The following BLZF1 variants were observed in gnomAD, a reference collection of about 807,000 sequenced individuals.
The protein encoded by BLZF1 is basic leucine zipper nuclear factor 1.
BLZF1 carries 39 observed loss-of-function variants against 43.8 expected under a neutral mutation model. That is an observed-to-expected ratio of 0.89 (90% confidence interval 0.69 to 1.16). BLZF1 has a LOEUF of 1.16. Among genes scored for constraint, BLZF1 ranks in the 50% most tolerant of loss-of-function variants. The pLI, the probability that BLZF1 is intolerant of heterozygous loss-of-function variation, is 0.00. For missense variants in BLZF1, 449 were observed against 469.8 expected, an observed-to-expected ratio of 0.96 and a Z score of 0.41; for synonymous variants, 136 against 159.4, an observed-to-expected ratio of 0.85 and a Z score of 1.11.
rs1277296937 is a variant in BLZF1, at chr1:169,378,548, A to G, written c.668+19A>G. On this transcript the variant is annotated intron_variant, in intron 4 of 6. Coordinates refer to ENST00000367808, the MANE Select transcript of BLZF1 (RefSeq NM_001320973.2). ...CAAGCAGGTATTTTCTACAGCAAAT[A>G]GTATTTCACTTCCTAGTTTTTGCTC... is the stretch of plus-strand genomic sequence containing the variant. The G allele has an allele frequency of 1.9e-6, 3 of 1,606,534 alleles. No individual in the cohort carries two copies. Among genetic ancestry groups the G allele is most frequent in the Non-Finnish European group, 8.5e-7 (1 of 1,174,248 alleles).
At chr1:169,382,884 C>T (rs1401760087) in intron 6 of BLZF1, among the ~76,000 whole-genome samples, 1 of 152,182 alleles carries the variant, frequency 6.6e-6, no homozygotes, top group African/African-American at 2.4e-5. Context: ...TCTGTGATCT[C>T]AACTTTTTTT....
intron 6 of BLZF1, among the ~76,000 whole-genome samples, chr1:169,383,278 CT>C (rs1222096557): frequency 3.3e-5 from 5 of 152,274 alleles, no homozygotes; most frequent in Non-Finnish European, 7.4e-5. Flanking sequence ...ATACATTTCT[CT>C]CAGAGGAAAA....
At chr1:169,386,447 AG>A (rs1239588932) in intron 6 of BLZF1, among the ~76,000 whole-genome samples, 2 of 152,108 alleles carry the variant, frequency 1.3e-5, no homozygotes, top group Admixed American at 1.3e-4. Flanking sequence ...TGGGGGGCCG[AG>A]GCAGGCAGAT....
rs762903045 is a variant in BLZF1 at position 169,376,622 on chromosome 1, C to T, written c.111C>T (p.Ser37=). The change falls in exon 3 of 7, where the codon TCC becomes TCT. Residue 37 remains serine, a synonymous_variant. Coordinates refer to ENST00000367808, the MANE Select transcript of BLZF1 (RefSeq NM_001320973.2). ...CACCTAAATCTGTTGAAGTTACCTC[C>T]GGAGTCCAATCTAGAAAGCATCATA... The part of the protein sequence containing the change: ...EEPPKSVEVT[S]GVQSRKHHSL... The T allele has an allele frequency of 1.9e-5, 30 of 1,612,958 alleles. No individual in the cohort carries two copies. The highest frequency in any genetic ancestry group is 1.1e-4 in the South Asian group (10 of 91,028).
At chr1:169,374,667 A>C (rs1654241389) in intron 2 of BLZF1, among the ~76,000 whole-genome samples, 1 of 152,126 alleles carries the variant, frequency 6.6e-6, no homozygotes, top group African/African-American at 2.4e-5. Context: ...GAAAAAAGTA[A>C]ATCTGTTACT....
intron 6 of BLZF1, among the ~76,000 whole-genome samples, chr1:169,385,577 G>A (rs1654642689): frequency 6.6e-6 from 1 of 152,182 alleles, no homozygotes; most frequent in Non-Finnish European, 1.5e-5. Context: ...CATCTTTATA[G>A]TATTTGAGAA....
downstream of BLZF1, among the ~76,000 whole-genome samples, chr1:169,390,019 C>T (rs1442038227): frequency 6.6e-6 from 1 of 152,072 alleles, no homozygotes; most frequent in African/African-American, 2.4e-5. Flanking sequence ...TGGAGATAAA[C>T]AGTGATGATG....
At chr1:169,386,438 G>A (rs777068627) in intron 6 of BLZF1, among the ~76,000 whole-genome samples, 1 of 152,008 alleles carries the variant, frequency 6.6e-6, no homozygotes, top group African/African-American at 2.4e-5. Flanking sequence ...CTGACCTCCT[G>A]GGGGGCCGAG....
chr1:169,383,823 C>G (rs1425695875), intron 6 of BLZF1, among the ~76,000 whole-genome samples: 1 of 152,116 alleles, frequency 6.6e-6, no homozygotes, highest in African/African-American at 2.4e-5. Flanking sequence ...TGAAACGATT[C>G]ACTACTTTTG....
At chr1:169,371,201 G>A (rs552631225) in intron 2 of BLZF1, among the ~76,000 whole-genome samples, 1 of 152,234 alleles carries the variant, frequency 6.6e-6, no homozygotes, top group African/African-American at 2.4e-5. Flanking sequence ...AGACTGTAAT[G>A]AAAGTAATAA....
intron 7 of BLZF1, chr1:169,395,106 G>A: frequency 1.2e-6 from 2 of 1,613,654 alleles, no homozygotes; most frequent in South Asian, 1.1e-5. Flanking sequence ...AGGTGGTGCT[G>A]TAACTGTTTA....
At chr1:169,381,434 G>C in intron 5 of BLZF1, among the ~76,000 whole-genome samples, 1 of 151,802 alleles carries the variant, frequency 6.6e-6, no homozygotes, top group East Asian at 1.9e-4. Context: ...AGGTCTAGAT[G>C]GATTCACTGA....
rs1654715868 is a variant in BLZF1, at chr1:169,387,731, G to A, written c.*549G>A. ...GCTGGAGGACTTTCTTTCCCTTTAT[G>A]GTAATTTTTTGAGCTACAAAAGAGC... On this transcript the variant is annotated 3_prime_UTR_variant, in exon 7 of 7. Coordinates refer to ENST00000367808, the MANE Select transcript of BLZF1 (RefSeq NM_001320973.2). The A allele has an allele frequency of 6.6e-6, 1 of 152,062 alleles. No homozygotes were observed. 9.4% of individuals were successfully genotyped at this position (152,062 alleles called of 1,614,324 possible).
Position 169,380,559 on chromosome 1 carries a change from TCTC to T in BLZF1, c.750_752del (p.Leu251del), listed in dbSNP as rs777784793. ...GTGATGCACACGGGGCTATACAAGATCTCCTAAGTGAACGGGAACAGTTTCGTC... is the reference window on the plus strand; with the variant it reads ...GTGATGCACACGGGGCTATACAAGATCTAAGTGAACGGGAACAGTTTCGTC... On this transcript the variant is annotated inframe_deletion, in exon 5 of 7. Transcript: ENST00000367808. The T allele has an allele frequency of 6.8e-6, 11 of 1,612,822 alleles. No individual in the cohort carries two copies. In the East Asian group the frequency reaches 2.5e-4, roughly 36 times the overall value.
chr1:169,391,089 G>C (rs1433955186), downstream of BLZF1, among the ~76,000 whole-genome samples: 1 of 152,072 alleles, frequency 6.6e-6, no homozygotes. Flanking sequence ...GACAAATTTT[G>C]GACAACACAA....
intron 2 of BLZF1, among the ~76,000 whole-genome samples, chr1:169,375,020 C>A (rs970169668): frequency 2.6e-5 from 4 of 151,900 alleles, no homozygotes; most frequent in African/African-American, 9.7e-5. Context: ...GAAGGCATTT[C>A]GGCCGTACAG....
At chr1:169,379,013 T>C (rs973205726) in intron 4 of BLZF1, among the ~76,000 whole-genome samples, 7 of 151,978 alleles carry the variant, frequency 4.6e-5, no homozygotes, top group African/African-American at 1.4e-4. Context: ...TACTCTCATA[T>C]GGCAGCAAAA....
Position 169,381,181 on chromosome 1 carries a change from A to G in BLZF1, c.797+572A>G, listed in dbSNP as rs573923494. Among the ~76,000 whole-genome samples, 19 of 152,166 alleles carry G rather than the reference A, an allele frequency of 1.2e-4. No homozygotes were observed. In the South Asian group the frequency reaches 3.3e-3, roughly 27 times the overall value. ...AAAAAAAGAGAAGATATACATTACC[A>G]GTATCAGGAATGAAGGGGGGGGTAC... On this transcript the variant is annotated intron_variant, in intron 5 of 6. Transcript: ENST00000367808.
Position 169,378,534 on chromosome 1 carries a change from T to C in BLZF1, c.668+5T>C. On this transcript the variant is annotated splice_donor_5th_base_variant and intron_variant, in intron 4 of 6. Transcript: ENST00000367808. ...AAGTAAATTCCTTGCAAGCAGGTAT[T>C]TTCTACAGCAAATAGTATTTCACTT... 1 of 1,611,230 alleles carries C rather than the reference T, an allele frequency of 6.2e-7. No individual in the cohort carries two copies.
Sources: allele counts gnomAD v4.1 joint callset (sites outside exome capture counted in the v4.1 genomes callset), GRCh38; gene constraint gnomAD v4.1.1; transcripts MANE v1.5; gene names NCBI Gene and HGNC (gene_info 2026-07-23, HGNC 2026-07-21).